H2BC26: variants seen among roughly 807,000 people sequenced by gnomAD.
The protein encoded by H2BC26 is H2B clustered histone 26.
chr1:228,458,519 T>C, the H2BC26 span: 1 of 1,614,114 alleles, frequency 6.2e-7, no homozygotes, highest in Non-Finnish European at 8.5e-7. Context: ...GAGGCGTTCC[T>C]CGGCGTCCTG....
At chr1:228,458,160 C>G in the H2BC26 span, 1 of 1,611,670 alleles carries the variant, frequency 6.2e-7, no homozygotes, top group South Asian at 1.1e-5. Flanking sequence ...GGCTCCTGCG[C>G]CCAAGAAGGG....
chr1:228,458,387 G>A, the H2BC26 span: 3 of 1,614,176 alleles, frequency 1.9e-6, no homozygotes, highest in African/African-American at 1.3e-5. Flanking sequence ...ACTACAACAA[G>A]CGCTCCACCA....
At chr1:228,458,471 G>A in the H2BC26 span, 6 of 1,614,136 alleles carry the variant, frequency 3.7e-6, no homozygotes, top group Non-Finnish European at 5.1e-6. Flanking sequence ...CCGTGTCCGA[G>A]GGCACCAAGG....
the H2BC26 span, chr1:228,458,357 C>G: frequency 3.7e-6 from 6 of 1,614,240 alleles, no homozygotes; most frequent in Non-Finnish European, 5.1e-6. Context: ...GCATCGCCAG[C>G]GAGGCCTCCC....
At chr1:228,458,163 A>G in the H2BC26 span, 3 of 1,612,372 alleles carry the variant, frequency 1.9e-6, no homozygotes, top group South Asian at 2.2e-5. Flanking sequence ...TCCTGCGCCC[A>G]AGAAGGGTTC....
At chr1:228,458,171 T>G in the H2BC26 span, 19 of 1,612,488 alleles carry the variant, frequency 1.2e-5, no homozygotes, top group Non-Finnish European at 1.5e-5. Context: ...CCAAGAAGGG[T>G]TCTAAAAAGG....
At chr1:228,458,373 G>C in the H2BC26 span, 18 of 1,614,206 alleles carry the variant, frequency 1.1e-5, no homozygotes, top group Non-Finnish European at 1.4e-5. Context: ...CTCCCGCCTG[G>C]CACACTACAA....
At chr1:228,458,504 C>T in the H2BC26 span, 8 of 1,614,186 alleles carry the variant, frequency 5.0e-6, no homozygotes, top group East Asian at 1.1e-4. Flanking sequence ...ACACCAGCTC[C>T]AAGTGAGGCG....
the H2BC26 span, chr1:228,458,321 C>G: frequency 6.2e-7 from 1 of 1,614,246 alleles, no homozygotes; most frequent in Non-Finnish European, 8.5e-7. Context: ...GCATCATGAA[C>G]TCCTTCGTCA....
chr1:228,458,236 A>G, the H2BC26 span: 2 of 1,614,234 alleles, frequency 1.2e-6, no homozygotes, highest in Non-Finnish European at 1.7e-6. Context: ...GGCCGCAAGG[A>G]GAGCTATTCT....
the H2BC26 span, chr1:228,458,507 G>A: frequency 1.2e-6 from 2 of 1,614,092 alleles, no homozygotes; most frequent in African/African-American, 2.7e-5. Context: ...CCAGCTCCAA[G>A]TGAGGCGTTC....
At chr1:228,458,184 G>A in the H2BC26 span, 7 of 1,613,942 alleles carry the variant, frequency 4.3e-6, no homozygotes, top group Non-Finnish European at 5.9e-6. Context: ...TAAAAAGGCT[G>A]TCACCAAGGC....
the H2BC26 span, chr1:228,458,318 G>A: frequency 2.5e-6 from 4 of 1,614,236 alleles, no homozygotes; most frequent in Middle Eastern, 1.6e-4. Flanking sequence ...TGGGCATCAT[G>A]AACTCCTTCG....
chr1:228,458,277 C>T, the H2BC26 span: 10 of 1,614,110 alleles, frequency 6.2e-6, no homozygotes, highest in South Asian at 1.1e-5. Context: ...GAAGCAGGTG[C>T]ACCCCGACAC....
At chr1:228,458,538 G>A in the H2BC26 span, 1 of 1,613,976 alleles carries the variant, frequency 6.2e-7, no homozygotes, top group East Asian at 2.2e-5. Flanking sequence ...TGAACCCAAA[G>A]GCTCTTTTCA....
chr1:228,458,104 T>C, the H2BC26 span: 1 of 1,553,004 alleles, frequency 6.4e-7, no homozygotes, highest in Non-Finnish European at 8.7e-7. Context: ...GCGCCGCGCG[T>C]TTCTGTTTGG....
At chr1:228,458,389 G>A in the H2BC26 span, 1 of 1,614,042 alleles carries the variant, frequency 6.2e-7, no homozygotes, top group African/African-American at 1.3e-5. Context: ...TACAACAAGC[G>A]CTCCACCATC....
chr1:228,458,134 C>G, the H2BC26 span: 1 of 1,602,722 alleles, frequency 6.2e-7, no homozygotes. Context: ...GCCATCATGC[C>G]AGACCCGTCC....
At chr1:228,458,468 C>T in the H2BC26 span, 12 of 1,614,142 alleles carry the variant, frequency 7.4e-6, no homozygotes, top group Middle Eastern at 3.3e-4. Context: ...ACGCCGTGTC[C>T]GAGGGCACCA....
Sources: allele counts gnomAD v4.1 joint callset, GRCh38; gene constraint gnomAD v4.1.1; transcripts MANE v1.5; gene names NCBI Gene and HGNC (gene_info 2026-07-23, HGNC 2026-07-21).